MACROD2: variants seen among roughly 807,000 people sequenced by gnomAD.
The protein encoded by MACROD2 is ADP-ribose glycohydrolase MACROD2.
Under a neutral mutation model 70.4 loss-of-function variants are expected in MACROD2, and 36 were observed. The ratio of observed to expected loss-of-function variants is 0.51; its 90% confidence interval spans 0.39 to 0.68. The LOEUF (loss-of-function observed/expected upper bound fraction) is 0.68. Ranked by LOEUF, MACROD2 falls within the 30% of genes least tolerant of loss-of-function variation. The pLI, the probability that MACROD2 is intolerant of heterozygous loss-of-function variation, is 0.00. For missense variants in MACROD2, 496 were observed against 538.4 expected (o/e 0.92, Z 0.78); for synonymous variants, 172 against 178.8 (o/e 0.96, Z 0.30).
At chr20:15,214,398 TGTC>T (rs1448024617) in intron 5 of MACROD2, among the ~76,000 whole-genome samples, 1 of 152,044 alleles carries the variant, frequency 6.6e-6, no homozygotes, top group African/African-American at 2.4e-5. Context: ...GGACCAAAGT[TGTC>T]GTCATGAAAT....
chr20:16,038,531 G>GT (rs11480928), intron 15 of MACROD2, among the ~76,000 whole-genome samples: 15,252 of 134,924 alleles, frequency 0.11, 887 homozygotes, highest in East Asian at 0.19. Context: ...GTTTTTGTGG[G>GT]GTTTTTTTTT....
At chr20:15,487,157 G>A (rs1478295172) in intron 7 of MACROD2, among the ~76,000 whole-genome samples, 3 of 152,162 alleles carry the variant, frequency 2.0e-5, no homozygotes, top group African/African-American at 2.4e-5. Flanking sequence ...AACATTGATG[G>A]GGCAGGGAAA....
At chr20:15,143,941 G>A (rs1425359721) in intron 5 of MACROD2, among the ~76,000 whole-genome samples, 1 of 76,972 alleles carries the variant, frequency 1.3e-5, no homozygotes, top group Non-Finnish European at 2.4e-5. Flanking sequence ...GATCGCTGAT[G>A]AGCTAAAAAA....
intron 5 of MACROD2, among the ~76,000 whole-genome samples, chr20:14,734,291 G>A (rs976437859): frequency 6.6e-6 from 1 of 152,004 alleles, no homozygotes; most frequent in Admixed American, 6.6e-5. Context: ...GAGGTCAGGA[G>A]ATCAAGACCA....
chr20:14,123,300 T>C (rs2054607434), intron 3 of MACROD2, among the ~76,000 whole-genome samples: 1 of 152,178 alleles, frequency 6.6e-6, no homozygotes, highest in Non-Finnish European at 1.5e-5. Flanking sequence ...TTTAGTTACC[T>C]CTCCAATTTG....
intron 3 of MACROD2, among the ~76,000 whole-genome samples, chr20:14,425,975 T>G (rs1180036524): frequency 6.6e-6 from 1 of 152,194 alleles, no homozygotes; most frequent in Non-Finnish European, 1.5e-5. Context: ...TTCCTCAGTG[T>G]TTTGAAAGAA....
chr20:15,617,717 C>T (rs2049058449), intron 8 of MACROD2, among the ~76,000 whole-genome samples: 1 of 152,172 alleles, frequency 6.6e-6, no homozygotes, highest in South Asian at 2.1e-4. Flanking sequence ...CCTGGGGCTA[C>T]AGAAATAGGA....
chr20:15,487,634 T>TGAAGTCAGACA (rs1182845776), intron 7 of MACROD2, among the ~76,000 whole-genome samples: 2 of 152,132 alleles, frequency 1.3e-5, no homozygotes, highest in African/African-American at 4.8e-5. Flanking sequence ...TACCAGCGGA[T>TGAAGTCAGACA]GAAGTCAGAC....
chr20:15,995,828 A>G (rs1264186167), intron 15 of MACROD2, among the ~76,000 whole-genome samples: 2 of 147,218 alleles, frequency 1.4e-5, no homozygotes, highest in Non-Finnish European at 3.0e-5. Flanking sequence ...TATATATTCC[A>G]TTGTATACAT....
intron 5 of MACROD2, among the ~76,000 whole-genome samples, chr20:15,170,510 C>T (rs1281600623): frequency 6.6e-6 from 1 of 152,098 alleles, no homozygotes; most frequent in Non-Finnish European, 1.5e-5. Context: ...TAGTCAGCAG[C>T]CCTAGAGGTC....
chr20:14,284,260 A>G (rs1051955024), intron 3 of MACROD2, among the ~76,000 whole-genome samples: 1 of 152,248 alleles, frequency 6.6e-6, no homozygotes, highest in African/African-American at 2.4e-5. Context: ...ACAGCTCAGC[A>G]TACTGAAAAT....
intron 3 of MACROD2, among the ~76,000 whole-genome samples, chr20:14,276,336 A>G (rs376047565): frequency 0.086 from 12,856 of 149,498 alleles, 720 homozygotes; most frequent in Admixed American, 0.16. Flanking sequence ...AGGGACATGG[A>G]TGAAATTGGA....
chr20:15,006,084 A>G (rs1216723472), intron 5 of MACROD2, among the ~76,000 whole-genome samples: 4 of 151,896 alleles, frequency 2.6e-5, no homozygotes, highest in East Asian at 1.9e-4. Context: ...GGTGCTTTAC[A>G]GAAGTTATCT....
intron 6 of MACROD2, among the ~76,000 whole-genome samples, chr20:15,284,226 A>G (rs532744252): frequency 2.9e-4 from 44 of 152,202 alleles, no homozygotes; most frequent in African/African-American, 2.6e-4. Flanking sequence ...TCCCTGTATC[A>G]TCGCTATGAT....
At chr20:15,051,813 G>A (rs1310722334) in intron 5 of MACROD2, among the ~76,000 whole-genome samples, 3 of 148,628 alleles carry the variant, frequency 2.0e-5, no homozygotes, top group East Asian at 2.0e-4. Flanking sequence ...GTGCAGTGAC[G>A]CAATCTCAGC....
intron 5 of MACROD2, among the ~76,000 whole-genome samples, chr20:14,953,834 C>T (rs2074495802): frequency 6.6e-6 from 1 of 152,140 alleles, no homozygotes; most frequent in Non-Finnish European, 1.5e-5. Flanking sequence ...TGTTAGTTCA[C>T]TGAACTCTCT....
intron 10 of MACROD2, among the ~76,000 whole-genome samples, chr20:15,922,696 G>T (rs750549216): frequency 1.3e-5 from 2 of 152,206 alleles, no homozygotes; most frequent in African/African-American, 2.4e-5. Context: ...AAGAGCACCT[G>T]CTGCCCTCCC....
intron 5 of MACROD2, among the ~76,000 whole-genome samples, chr20:14,843,832 A>C (rs2073111505): frequency 6.6e-6 from 1 of 152,058 alleles, no homozygotes; most frequent in Admixed American, 6.6e-5. Flanking sequence ...CTTTGTTTGT[A>C]CAAGTTCTTT....
intron 5 of MACROD2, among the ~76,000 whole-genome samples, chr20:14,926,541 T>G (rs1398122157): frequency 7.0e-6 from 1 of 143,068 alleles, no homozygotes; most frequent in Non-Finnish European, 1.5e-5. Context: ...AGAGCAAGAC[T>G]CCGTCAAAAA....
Sources: allele counts gnomAD v4.1 joint callset (sites outside exome capture counted in the v4.1 genomes callset), GRCh38; gene constraint gnomAD v4.1.1; transcripts MANE v1.5; gene names NCBI Gene and HGNC (gene_info 2026-07-23, HGNC 2026-07-21).